The following FGD6 variants were observed in gnomAD, a reference collection of about 807,000 sequenced individuals.
The protein encoded by FGD6 is FYVE, RhoGEF and PH domain-containing protein 6.
FGD6 carries 90 observed loss-of-function variants against 149.4 expected under a neutral mutation model. The observed-to-expected ratio is 0.60, with a 90% CI of 0.51 to 0.72. The LOEUF (loss-of-function observed/expected upper bound fraction) is 0.72, where lower values mean the gene tolerates loss of function less well. Among genes scored for constraint, FGD6 ranks in the 30% least tolerant of loss-of-function variants. FGD6 has a pLI of 0.00. For missense variants in FGD6, 1,437 were observed against 1,684.8 expected, an observed-to-expected ratio of 0.85 and a Z score of 2.57; for synonymous variants, 527 against 584.0, an observed-to-expected ratio of 0.90 and a Z score of 1.41.
chr12:95,100,977 G>T, intron 14 of FGD6: 1 of 366,976 alleles, frequency 2.7e-6, no homozygotes, highest in South Asian at 2.6e-5. Flanking sequence ...AGATTCACGG[G>T]GTAGTTATCT....
In FGD6 at chr12:95,127,642, CAGATG is replaced by C. The variant is rs531470790; in HGVS notation, c.3082+7092_3082+7096del. 5.9e-5 allele frequency among the ~76,000 whole-genome samples: 9 copies of C among 152,318 alleles called. No individual in the cohort carries two copies. In the South Asian group the frequency reaches 1.9e-3, roughly 32 times the overall value. ...AATTTATAGCTTCAGAACACTATAA[CAGATG>C]TTTTAAATATCTCATTTTCTACCAA... On this transcript the variant is annotated intron_variant, in intron 8 of 20. Transcript: ENST00000343958.
At chr12:95,090,557 G>T (rs773665886) in intron 17 of FGD6, among the ~76,000 whole-genome samples, 6 of 152,156 alleles carry the variant, frequency 3.9e-5, no homozygotes, top group Non-Finnish European at 8.8e-5. Flanking sequence ...GACCAAATGG[G>T]TATAGGTGAT....
At chr12:95,104,719 A>G (rs796593373) in intron 14 of FGD6, among the ~76,000 whole-genome samples, 43 of 152,252 alleles carry the variant, frequency 2.8e-4, no homozygotes, top group African/African-American at 9.9e-4. Context: ...CTGGTATTAC[A>G]GGGGTGAGCT....
At chr12:95,190,466 G>A (rs1236246589) in intron 2 of FGD6, among the ~76,000 whole-genome samples, 3 of 151,974 alleles carry the variant, frequency 2.0e-5, no homozygotes, top group African/African-American at 7.3e-5. Context: ...CACTGCACCT[G>A]GCCAAGATGT....
intron 2 of FGD6, among the ~76,000 whole-genome samples, chr12:95,185,731 C>G (rs993174196): frequency 6.6e-6 from 1 of 151,920 alleles, no homozygotes; most frequent in African/African-American, 2.4e-5. Context: ...CATGGTGGTG[C>G]GCACCTGTAA....
At chr12:95,177,908 A>AATTTATTTATTTATTTATTT (rs71078616) in intron 2 of FGD6, among the ~76,000 whole-genome samples, 2,305 of 142,362 alleles carry the variant, frequency 0.016, 70 homozygotes, top group East Asian at 0.088. Context: ...TTTAAACAAC[A>AATTTATTTATTTATTTATTT]ATTTATTTAT....
chr12:95,124,506 T>G (rs1382315493), intron 8 of FGD6, among the ~76,000 whole-genome samples: 1 of 152,238 alleles, frequency 6.6e-6, no homozygotes, highest in Non-Finnish European at 1.5e-5. Flanking sequence ...TGAGAGCCCA[T>G]GATTCTGACT....
intron 20 of FGD6, among the ~76,000 whole-genome samples, chr12:95,083,028 T>TACACAC (rs1275300348): frequency 7.4e-5 from 5 of 67,856 alleles, no homozygotes; most frequent in South Asian, 5.0e-4. Flanking sequence ...TATATATATA[T>TACACAC]ATACACACAC....
At chr12:95,115,498 AG>A (rs1878979925) in intron 8 of FGD6, among the ~76,000 whole-genome samples, 1 of 150,848 alleles carries the variant, frequency 6.6e-6, no homozygotes, top group Admixed American at 6.7e-5. Flanking sequence ...AGCCTACCAA[AG>A]TGCTGGAATT....
intron 8 of FGD6, among the ~76,000 whole-genome samples, chr12:95,121,808 A>C (rs1201121098): frequency 6.6e-6 from 1 of 152,088 alleles, no homozygotes; most frequent in African/African-American, 2.4e-5. Flanking sequence ...GATGTGTGTC[A>C]CAACGCCCAG....
intron 8 of FGD6, 106 bp downstream of exon 8, chr12:95,134,633 G>A: frequency 1.1e-6 from 1 of 910,464 alleles, no homozygotes; most frequent in East Asian, 2.6e-5. Context: ...GCAACGTGGT[G>A]ACGGGGGTGA....
intron 8 of FGD6, among the ~76,000 whole-genome samples, chr12:95,117,975 AG>A (rs1433127546): frequency 3.3e-5 from 5 of 151,812 alleles, no homozygotes; most frequent in Admixed American, 2.6e-4. Flanking sequence ...TGGGAGGCAG[AG>A]GTTGCAGTGA....
chr12:95,182,466 G>A (rs1309405920), intron 2 of FGD6, among the ~76,000 whole-genome samples: 1 of 152,168 alleles, frequency 6.6e-6, no homozygotes, highest in Non-Finnish European at 1.5e-5. Flanking sequence ...CTCCCAAAGT[G>A]CTGGGATTAC....
At chr12:95,099,453 G>C (rs746022128) in intron 14 of FGD6, among the ~76,000 whole-genome samples, 2 of 152,142 alleles carry the variant, frequency 1.3e-5, no homozygotes, top group Non-Finnish European at 2.9e-5. Context: ...GAGGAATCTG[G>C]AAGGAGAGCA....
intron 16 of FGD6, among the ~76,000 whole-genome samples, chr12:95,092,074 T>C (rs1565893246): frequency 6.6e-6 from 1 of 152,208 alleles, no homozygotes; most frequent in Non-Finnish European, 1.5e-5. Context: ...AGTTAATATA[T>C]GCAAAATGCT....
chr12:95,124,112 A>G (rs1454618347), intron 8 of FGD6, among the ~76,000 whole-genome samples: 2 of 144,784 alleles, frequency 1.4e-5, no homozygotes, highest in Admixed American at 7.0e-5. Context: ...GGGTCTCCCT[A>G]TGTTGCCCAG....
chr12:95,155,710 A>C (rs1880449081), intron 3 of FGD6, among the ~76,000 whole-genome samples: 1 of 152,202 alleles, frequency 6.6e-6, no homozygotes, highest in South Asian at 2.1e-4. Context: ...GGGACTACGT[A>C]AAGTGAGAGT....
chr12:95,086,701 G>A (rs537694841), intron 18 of FGD6, among the ~76,000 whole-genome samples: 35 of 146,354 alleles, frequency 2.4e-4, no homozygotes, highest in Admixed American at 8.2e-4. Flanking sequence ...CACCACGTCC[G>A]GCTATTTTTT....
At chr12:95,163,227 C>T (rs893830878) in intron 3 of FGD6, among the ~76,000 whole-genome samples, 48 of 152,180 alleles carry the variant, frequency 3.2e-4, no homozygotes, top group East Asian at 1.9e-4. Flanking sequence ...ATGCTCTCCC[C>T]TTCTGTGTCT....
Sources: allele counts gnomAD v4.1 joint callset (sites outside exome capture counted in the v4.1 genomes callset), GRCh38; gene constraint gnomAD v4.1.1; transcripts MANE v1.5; gene names NCBI Gene and HGNC (gene_info 2026-07-23, HGNC 2026-07-21).